PDS5B: variants seen among roughly 807,000 people sequenced by gnomAD.
The protein encoded by PDS5B is sister chromatid cohesion protein PDS5 homolog B.
In PDS5B, 51 loss-of-function variants were observed where a neutral mutation model predicts 184.1. The observed-to-expected ratio is 0.28, with a 90% CI of 0.22 to 0.35. PDS5B has a LOEUF of 0.35. PDS5B is among the 10% of genes least tolerant of loss of function. The pLI, the probability that PDS5B is intolerant of heterozygous loss-of-function variation, is 1.00. For synonymous variants in PDS5B, 566 were observed against 569.2 expected, an observed-to-expected ratio of 0.99 and a Z score of 0.08; for missense variants, 1,180 against 1,723.3, an observed-to-expected ratio of 0.68 and a Z score of 5.58.
intron 1 of PDS5B, among the ~76,000 whole-genome samples, chr13:32,596,771 G>T (rs2057879341): frequency 6.6e-6 from 1 of 151,954 alleles, no homozygotes; most frequent in African/African-American, 2.4e-5. Flanking sequence ...TTGCATGGTT[G>T]TTGACAGTAT....
At chr13:32,670,131 C>CT (rs35481284) in intron 7 of PDS5B, among the ~76,000 whole-genome samples, 29 of 147,994 alleles carry the variant, frequency 2.0e-4, no homozygotes, top group African/African-American at 3.2e-4. Context: ...CAGACACATT[C>CT]TTTTTTTTTT....
intron 27 of PDS5B, 35 bp from the exon 28 acceptor site, chr13:32,758,499 T>G: frequency 6.3e-7 from 1 of 1,590,224 alleles, no homozygotes; most frequent in Non-Finnish European, 8.6e-7. Context: ...ATTGCCAGCT[T>G]AAGTATCTGT....
intron 33 of PDS5B, 70 bp from the exon 34 acceptor site, chr13:32,773,119 A>G (rs1954844695): frequency 1.5e-6 from 2 of 1,327,838 alleles, no homozygotes; most frequent in Non-Finnish European, 2.1e-6. Flanking sequence ...TACGTGAAAC[A>G]TTTCTTCTAA....
At chr13:32,602,366 C>G (rs892476992) in intron 1 of PDS5B, among the ~76,000 whole-genome samples, 1 of 152,126 alleles carries the variant, frequency 6.6e-6, no homozygotes, top group Non-Finnish European at 1.5e-5. Context: ...TCTGGCCTTG[C>G]AATAGTTTGC....
intron 6 of PDS5B, 74 bp from the exon 7 acceptor site, chr13:32,667,690 C>T (rs1270552128): frequency 1.2e-6 from 1 of 810,020 alleles, no homozygotes; most frequent in Non-Finnish European, 1.9e-6. Context: ...ACTCAAGTAG[C>T]ATTTTGAATA....
chr13:32,725,546 A>G (rs1214596913), intron 19 of PDS5B, among the ~76,000 whole-genome samples: 4 of 152,178 alleles, frequency 2.6e-5, no homozygotes, highest in African/African-American at 9.7e-5. Context: ...AAATTACAAC[A>G]TGAGTCCTGT....
intron 6 of PDS5B, among the ~76,000 whole-genome samples, chr13:32,665,771 T>A (rs1950778557): frequency 6.6e-6 from 1 of 152,028 alleles, no homozygotes; most frequent in African/African-American, 2.4e-5. Context: ...TGTCTATCAA[T>A]GGATGAGTGT....
intron 1 of PDS5B, among the ~76,000 whole-genome samples, chr13:32,643,390 C>T (rs1042012671): frequency 2.6e-5 from 4 of 152,048 alleles, no homozygotes; most frequent in African/African-American, 9.7e-5. Flanking sequence ...TACTGTACCT[C>T]GAATTCATTT....
At chr13:32,697,207 A>G (rs1951731708) in intron 15 of PDS5B, among the ~76,000 whole-genome samples, 1 of 152,244 alleles carries the variant, frequency 6.6e-6, no homozygotes, top group Non-Finnish European at 1.5e-5. Flanking sequence ...TAATAACTAC[A>G]TACGTAACAG....
chr13:32,626,787 A>G (rs963513747), intron 1 of PDS5B, among the ~76,000 whole-genome samples: 1 of 152,254 alleles, frequency 6.6e-6, no homozygotes, highest in Non-Finnish European at 1.5e-5. Context: ...AATAGAATAC[A>G]TAACAGTTCT....
rs757847026 is a variant in PDS5B at position 32,659,121 on chromosome 13, T to G, written c.498-33T>G. 17 of 1,497,174 alleles carry G rather than the reference T, an allele frequency of 1.1e-5. No individual in the cohort carries two copies. In the Admixed American group the frequency reaches 3.0e-4, roughly 27 times the overall value. 92.7% of individuals were successfully genotyped at this position (1,497,174 alleles called of 1,614,324 possible). A position where few individuals can be genotyped will look rare whatever the true frequency, so the allele number is the denominator to read the frequency against. On this transcript the variant is annotated intron_variant, in intron 5 of 34. Transcript: ENST00000315596. ...AAGAGTAAATCCTGTATATCTCAGTTGTAATTGAAACAAAATCTGTTTTGA... is the reference window on the plus strand; with the variant it reads ...AAGAGTAAATCCTGTATATCTCAGTGGTAATTGAAACAAAATCTGTTTTGA...
intron 19 of PDS5B, among the ~76,000 whole-genome samples, chr13:32,730,965 C>G (rs1953100654): frequency 6.6e-6 from 1 of 152,130 alleles, no homozygotes; most frequent in Non-Finnish European, 1.5e-5. Context: ...TTGCCCTGGC[C>G]AGAACTTCCA....
chr13:32,598,872 G>T (rs550033223), intron 1 of PDS5B, among the ~76,000 whole-genome samples: 6 of 148,674 alleles, frequency 4.0e-5, no homozygotes, highest in African/African-American at 1.5e-4. Flanking sequence ...CTGGGTTCAC[G>T]CCATTCTCCT....
intron 1 of PDS5B, among the ~76,000 whole-genome samples, chr13:32,614,880 A>G (rs1215020490): frequency 1.3e-5 from 2 of 152,176 alleles, no homozygotes; most frequent in Non-Finnish European, 2.9e-5. Context: ...TCTTGTGAAT[A>G]TTTCTCTGAG....
At chr13:32,604,432 A>G (rs940644228) in intron 1 of PDS5B, among the ~76,000 whole-genome samples, 25 of 152,190 alleles carry the variant, frequency 1.6e-4, no homozygotes, top group African/African-American at 5.5e-4. Context: ...AGCCAACTTG[A>G]TCATGGTGGA....
intron 1 of PDS5B, among the ~76,000 whole-genome samples, chr13:32,633,918 A>G (rs1233765547): frequency 6.6e-6 from 1 of 152,120 alleles, no homozygotes; most frequent in Non-Finnish European, 1.5e-5. Flanking sequence ...TGCCCATTTT[A>G]TTGTCATCTT....
chr13:32,634,686 C>T lies in PDS5B; in HGVS notation c.-19-14068C>T, dbSNP rs373356101. 4.2e-4 allele frequency among the ~76,000 whole-genome samples: 63 copies of T among 151,614 alleles called. 1 individual carries two copies. Among genetic ancestry groups the T allele is most frequent in the African/African-American group, 1.3e-3 (53 of 41,338 alleles). The stretch of plus-strand genomic sequence containing the variant: ...GCAACCTCCACCTCCAGGGTTCAAG[C>T]GATTCTCCTGCCTCAGCCTCCCGAG... On this transcript the variant is annotated intron_variant, in intron 1 of 34. Coordinates refer to ENST00000315596, the MANE Select transcript of PDS5B (RefSeq NM_015032.4).
At chr13:32,673,387 A>G (rs1472216508) in intron 8 of PDS5B, 31 bp downstream of exon 8, 13 of 1,567,870 alleles carry the variant, frequency 8.3e-6, no homozygotes, top group Middle Eastern at 1.7e-4. Context: ...GATTCTACCA[A>G]CCAAGTTATT....
At chr13:32,678,765 T>C in intron 9 of PDS5B, 70 bp from the exon 10 acceptor site, 1 of 866,580 alleles carries the variant, frequency 1.2e-6, no homozygotes, top group Non-Finnish European at 1.9e-6. Flanking sequence ...AAATGTAAAT[T>C]GGGTACAGAT....
Sources: allele counts gnomAD v4.1 joint callset (sites outside exome capture counted in the v4.1 genomes callset), GRCh38; gene constraint gnomAD v4.1.1; transcripts MANE v1.5; gene names NCBI Gene and HGNC (gene_info 2026-07-23, HGNC 2026-07-21).